KCNT2: variants seen among roughly 807,000 people sequenced by gnomAD.
KCNT2 encodes potassium sodium-activated channel subfamily T member 2.
Under a neutral mutation model 153.8 loss-of-function variants are expected in KCNT2, and 67 were observed. That is an observed-to-expected ratio of 0.44 (90% CI 0.36 to 0.53). The LOEUF is 0.53. Ranked by LOEUF, KCNT2 falls within the 20% of genes least tolerant of loss-of-function variation. The probability of loss-of-function intolerance (pLI) is 0.00; values close to 1 mark genes in which losing one functional copy is unlikely to be tolerated. For missense variants in KCNT2, 975 were observed against 1,354.8 expected, an observed-to-expected ratio of 0.72 and a Z score of 4.40; for synonymous variants, 500 against 458.8, an observed-to-expected ratio of 1.09 and a Z score of -1.15.
At chr1:196,251,297 TAAG>T (rs975285558) in intron 26 of KCNT2, among the ~76,000 whole-genome samples, 15 of 152,222 alleles carry the variant, frequency 9.9e-5, no homozygotes, top group South Asian at 6.2e-4. Flanking sequence ...TTGCAGTTTC[TAAG>T]AAGAAGTCTG....
chr1:196,411,423 G>A (rs1429944533), intron 12 of KCNT2, among the ~76,000 whole-genome samples: 5 of 131,422 alleles, frequency 3.8e-5, no homozygotes, highest in African/African-American at 1.4e-4. Context: ...AATAATTTCA[G>A]GATTGTTTTT....
intron 14 of KCNT2, among the ~76,000 whole-genome samples, chr1:196,354,858 A>G (rs1474693232): frequency 2.6e-5 from 4 of 151,792 alleles, no homozygotes; most frequent in Non-Finnish European, 5.9e-5. Flanking sequence ...TTTTGCACTC[A>G]TGAATTACAT....
At chr1:196,342,340 C>G in intron 14 of KCNT2, 112 bp from the exon 15 acceptor site, 2 of 823,398 alleles carry the variant, frequency 2.4e-6, no homozygotes, top group Non-Finnish European at 3.6e-6. Context: ...CTGGCAAGCA[C>G]AATCCAAAGG....
At chr1:196,281,206 T>C (rs1278664339) in intron 24 of KCNT2, among the ~76,000 whole-genome samples, 1 of 152,202 alleles carries the variant, frequency 6.6e-6, no homozygotes, top group African/African-American at 2.4e-5. Context: ...TATTAGTATT[T>C]GGAAATCTCC....
At chr1:196,487,982 G>A (rs936534983) in intron 3 of KCNT2, among the ~76,000 whole-genome samples, 3 of 151,968 alleles carry the variant, frequency 2.0e-5, no homozygotes, top group Non-Finnish European at 4.4e-5. Flanking sequence ...ATCTTTCAGT[G>A]TAATTTATAA....
intron 1 of KCNT2, among the ~76,000 whole-genome samples, chr1:196,563,785 A>G (rs1659743265): frequency 6.6e-6 from 1 of 151,976 alleles, no homozygotes; most frequent in African/African-American, 2.4e-5. Flanking sequence ...CTCAATACAT[A>G]CAGAAAAAAA....
chr1:196,505,200 G>A (rs1362229692), intron 1 of KCNT2, among the ~76,000 whole-genome samples: 2 of 152,064 alleles, frequency 1.3e-5, no homozygotes, highest in African/African-American at 2.4e-5. Context: ...TTTTCTTCTA[G>A]GGTTTTTATG....
chr1:196,383,010 A>G (rs1669640563), intron 13 of KCNT2, among the ~76,000 whole-genome samples: 2 of 152,104 alleles, frequency 1.3e-5, no homozygotes, highest in African/African-American at 2.4e-5. Context: ...ATGGGAAAAA[A>G]ATGAAAAACA....
chr1:196,405,623 A>G (rs1179279129), intron 12 of KCNT2, among the ~76,000 whole-genome samples: 2 of 151,388 alleles, frequency 1.3e-5, no homozygotes, highest in Non-Finnish European at 3.0e-5. Flanking sequence ...TTTTTATTAG[A>G]CTCTCAAACA....
intron 1 of KCNT2, among the ~76,000 whole-genome samples, chr1:196,516,946 T>C (rs911117503): frequency 2.0e-5 from 3 of 152,114 alleles, no homozygotes; most frequent in Non-Finnish European, 4.4e-5. Context: ...TACTTCCTCA[T>C]TGGGTGGGTC....
chr1:196,250,614 T>C (rs1655876539), intron 26 of KCNT2, among the ~76,000 whole-genome samples: 1 of 151,888 alleles, frequency 6.6e-6, no homozygotes, highest in African/African-American at 2.4e-5. Context: ...ATGCAAAAAT[T>C]GACAAATGGG....
intron 8 of KCNT2, 116 bp from the exon 9 acceptor site, chr1:196,429,873 A>T (rs1296384490): frequency 1.6e-6 from 1 of 608,370 alleles, no homozygotes; most frequent in African/African-American, 1.9e-5. Flanking sequence ...AGTCCCTCTT[A>T]TATTTTACAA....
intron 13 of KCNT2, among the ~76,000 whole-genome samples, chr1:196,389,173 T>C (rs1670260699): frequency 6.6e-6 from 1 of 151,770 alleles, no homozygotes; most frequent in Admixed American, 6.6e-5. Context: ...TATTGTAACC[T>C]TGGGATAAAC....
At chr1:196,313,607 C>T (rs771626470) in intron 21 of KCNT2, among the ~76,000 whole-genome samples, 1 of 151,468 alleles carries the variant, frequency 6.6e-6, no homozygotes, top group Non-Finnish European at 1.5e-5. Context: ...AAATGTCTGT[C>T]TTACTTTTTA....
intron 1 of KCNT2, among the ~76,000 whole-genome samples, chr1:196,589,805 AAG>A (rs1342194572): frequency 3.3e-5 from 4 of 120,904 alleles, no homozygotes; most frequent in Admixed American, 1.0e-4. Flanking sequence ...ATTTCATTAA[AAG>A]AGTTTTTTAA....
At chr1:196,376,370 T>C (rs1010830674) in intron 13 of KCNT2, among the ~76,000 whole-genome samples, 3 of 151,966 alleles carry the variant, frequency 2.0e-5, no homozygotes, top group Non-Finnish European at 4.4e-5. Flanking sequence ...TCATTGTTTC[T>C]GCAGCTAAAT....
chr1:196,435,679 A>G (rs937620309), intron 8 of KCNT2, among the ~76,000 whole-genome samples: 2 of 151,732 alleles, frequency 1.3e-5, no homozygotes, highest in Non-Finnish European at 3.0e-5. Context: ...GCTCTAATAC[A>G]AAGTTCAGTC....
intron 27 of KCNT2, among the ~76,000 whole-genome samples, chr1:196,229,809 T>A (rs1439725896): frequency 6.6e-6 from 1 of 152,052 alleles, no homozygotes; most frequent in Non-Finnish European, 1.5e-5. Context: ...ATTCCCTTAA[T>A]CCAAAGCCAA....
Position 196,565,131 on chromosome 1 carries a change from G to T in KCNT2, c.95+43084C>A, listed in dbSNP as rs1230160374. On this transcript the variant is annotated intron_variant, in intron 1 of 27. Coordinates refer to ENST00000294725, the MANE Select transcript of KCNT2 (RefSeq NM_198503.5). ...AACAAATCAATAGCAAAAAAAAAAA[G>T]CAATTTACAAATGGGTTTCTCAAAG... is the stretch of plus-strand genomic sequence containing the variant. Among the ~76,000 whole-genome samples the T allele has an allele frequency of 8.1e-5, 11 of 136,526 alleles. No homozygotes were observed. The South Asian group carries it at 2.6e-3, about 32-fold the overall frequency. The allele number at this position is 136,526 out of a possible 152,430, so 89.6% of individuals were successfully genotyped here.
Sources: allele counts gnomAD v4.1 joint callset (sites outside exome capture counted in the v4.1 genomes callset), GRCh38; gene constraint gnomAD v4.1.1; transcripts MANE v1.5; gene names NCBI Gene and HGNC (gene_info 2026-07-23, HGNC 2026-07-21).